The following SLC5A4 variants were observed in gnomAD, a reference collection of about 807,000 sequenced individuals.
The protein encoded by SLC5A4 is probable glucose sensor protein SLC5A4.
Under a neutral mutation model 70.3 loss-of-function variants are expected in SLC5A4, and 55 were observed. That is an observed-to-expected ratio of 0.78 (90% confidence interval 0.63 to 0.98). SLC5A4 has a LOEUF of 0.98. Ranked by LOEUF, SLC5A4 falls within the 50% of genes least tolerant of loss-of-function variation. The pLI, the probability that SLC5A4 is intolerant of heterozygous loss-of-function variation, is 0.00. For missense variants in SLC5A4, 735 were observed against 839.2 expected, an observed-to-expected ratio of 0.88 and a Z score of 1.53; for synonymous variants, 268 against 305.7, an observed-to-expected ratio of 0.88 and a Z score of 1.29.
At chr22:32,332,416 C>T in the SLC5A4 span, among the ~76,000 whole-genome samples, 10 of 146,266 alleles carry the variant, frequency 6.8e-5, no homozygotes, top group South Asian at 6.7e-4. Flanking sequence ...TTACTTCCCA[C>T]TTCCTCCCCT....
chr22:32,272,030 C>T, the SLC5A4 span: 7 of 633,978 alleles, frequency 1.1e-5, no homozygotes, highest in Non-Finnish European at 2.0e-5. Flanking sequence ...CTATCCAGTT[C>T]ATCTCCCTAG....
the SLC5A4 span, chr22:32,271,067 A>G: frequency 2.4e-5 from 14 of 582,728 alleles, no homozygotes; most frequent in South Asian, 2.4e-4. Flanking sequence ...ATCCCTCTTC[A>G]GTCCCAGCAA....
chr22:32,236,226 C>T (rs1242182795), intron 7 of SLC5A4, among the ~76,000 whole-genome samples: 1 of 152,192 alleles, frequency 6.6e-6, no homozygotes, highest in Admixed American at 6.5e-5. Flanking sequence ...CCATGCCGTC[C>T]AGTATGGCTA....
chr22:32,322,911 G>A, the SLC5A4 span, among the ~76,000 whole-genome samples: 1 of 152,138 alleles, frequency 6.6e-6, no homozygotes, highest in Non-Finnish European at 1.5e-5. Context: ...AGCTTAGGAG[G>A]GCTTGCAACC....
intron 5 of SLC5A4, among the ~76,000 whole-genome samples, chr22:32,242,696 G>A (rs1479992331): frequency 6.6e-6 from 1 of 152,012 alleles, no homozygotes; most frequent in Non-Finnish European, 1.5e-5. Context: ...GCGACAGAGT[G>A]AGACTCCGTC....
At chr22:32,242,714 A>G (rs1014224573) in intron 5 of SLC5A4, among the ~76,000 whole-genome samples, 4 of 152,212 alleles carry the variant, frequency 2.6e-5, no homozygotes, top group Non-Finnish European at 5.9e-5. Context: ...GTCTCAAAAA[A>G]AAAAGTATCA....
the SLC5A4 span, among the ~76,000 whole-genome samples, chr22:32,315,284 C>CAG: frequency 0.51 from 77,506 of 151,580 alleles, 20,337 homozygotes; most frequent in East Asian, 0.72. Context: ...TGAAACAAAA[C>CAG]AGAACTGGCA....
chr22:32,312,365 G>GCA, the SLC5A4 span, among the ~76,000 whole-genome samples: 1,543 of 102,204 alleles, frequency 0.015, 26 homozygotes, highest in African/African-American at 0.035. Flanking sequence ...ACGCGCGCGC[G>GCA]CACACACACA....
At chr22:32,252,184 C>T (rs892568883) in intron 2 of SLC5A4, among the ~76,000 whole-genome samples, 7 of 150,234 alleles carry the variant, frequency 4.7e-5, no homozygotes, top group Admixed American at 6.7e-5. Context: ...GAGCGGAGAT[C>T]GCGCCACTGC....
At chr22:32,283,766 A>AT in the SLC5A4 span, among the ~76,000 whole-genome samples, 1 of 152,204 alleles carries the variant, frequency 6.6e-6, no homozygotes, top group Non-Finnish European at 1.5e-5. Flanking sequence ...AGTTTGTGTA[A>AT]TTTAATTTTT....
rs1310437050 is a variant in SLC5A4, at chr22:32,220,967, T to C, written c.1721A>G (p.Asp574Gly). The change falls in exon 14 of 15, where the codon GAT (aspartate) becomes GGT (glycine). Residue 574 changes from aspartate to glycine, a missense_variant. Transcript: ENST00000266086. ...RNSTEERIDI[D>G]AEEKSQEETD... ...TTCTTCCTGACTTTTCTCTTCTGCA[T>C]CTATATCGATTCGCTCCTCTGTACT... 1 of 1,613,912 alleles carries C rather than the reference T, an allele frequency of 6.2e-7. No homozygotes were observed. Among genetic ancestry groups the C allele is most frequent in the African/African-American group, 1.3e-5 (1 of 74,936 alleles).
chr22:32,308,792 G>A, the SLC5A4 span, among the ~76,000 whole-genome samples: 4 of 152,164 alleles, frequency 2.6e-5, no homozygotes, highest in African/African-American at 4.8e-5. Flanking sequence ...ATGTGCTTGT[G>A]TGTCCATGCA....
At position 32,224,499 on chromosome 22, in the gene SLC5A4, AAGAAAATC is replaced by A. The variant is rs746418113; in HGVS notation, c.1450-25_1450-18del. On this transcript the variant is annotated intron_variant, in intron 12 of 14. Transcript: ENST00000266086. ...GAATGCTCCCTGCAAAAGAAGCAAG[AAGAAAATC>A]AGAATGTTTAGAAAATATGAGAAGC... 1.3e-6 allele frequency: 2 copies of A among 1,576,320 alleles called. No individual in the cohort carries two copies. Among genetic ancestry groups the A allele is most frequent in the Admixed American group, 3.3e-5 (2 of 59,756 alleles).
the SLC5A4 span, among the ~76,000 whole-genome samples, chr22:32,310,007 A>G: frequency 7.7e-6 from 1 of 130,302 alleles, no homozygotes; most frequent in East Asian, 2.6e-4. Context: ...CACAAACCCC[A>G]TGAGTTTTTC....
At chr22:32,276,457 G>A in the SLC5A4 span, among the ~76,000 whole-genome samples, 1 of 152,188 alleles carries the variant, frequency 6.6e-6, no homozygotes, top group East Asian at 1.9e-4. Context: ...ATTTCAAAGG[G>A]AAACGTTTAA....
At chr22:32,327,770 T>C in the SLC5A4 span, among the ~76,000 whole-genome samples, 2 of 152,108 alleles carry the variant, frequency 1.3e-5, no homozygotes, top group South Asian at 4.1e-4. Context: ...TCCTGACGGA[T>C]GTAGTCACTC....
At chr22:32,236,861 C>T (rs1419150535) in intron 7 of SLC5A4, among the ~76,000 whole-genome samples, 6 of 151,974 alleles carry the variant, frequency 3.9e-5, no homozygotes, top group South Asian at 4.2e-4. Context: ...CGCGCCACCA[C>T]GCCGGGCTTA....
At chr22:32,230,831 AC>A (rs1233699220) in intron 10 of SLC5A4, 136 bp downstream of exon 10, 5 of 608,200 alleles carry the variant, frequency 8.2e-6, no homozygotes, top group Admixed American at 2.7e-5. Flanking sequence ...AGAGCTGGTA[AC>A]CTGTAGAAGG....
At chr22:32,339,907 C>T in the SLC5A4 span, among the ~76,000 whole-genome samples, 8 of 152,216 alleles carry the variant, frequency 5.3e-5, no homozygotes, top group Non-Finnish European at 8.8e-5. Context: ...CGGGGACCCC[C>T]GAGGTTCTGC....
Sources: gnomAD v4.1 joint callset for allele counts (sites outside exome capture counted in the v4.1 genomes callset) on GRCh38, gnomAD v4.1.1 for gene constraint, MANE v1.5 for transcripts, NCBI Gene and HGNC (gene_info 2026-07-23, HGNC 2026-07-21) for gene names.